DPF3: variants seen among roughly 807,000 people sequenced by gnomAD.
DPF3 encodes the protein zinc finger protein DPF3.
DPF3 carries 18 observed loss-of-function variants against 56.8 expected under a neutral mutation model. The ratio of observed to expected loss-of-function variants is 0.32; its 90% CI spans 0.22 to 0.47. The LOEUF (loss-of-function observed/expected upper bound fraction) is 0.47, where lower values mean the gene tolerates loss of function less well. DPF3 is among the 20% of genes least tolerant of loss of function. The probability of loss-of-function intolerance (pLI) is 1.00; values close to 1 mark genes in which losing one functional copy is unlikely to be tolerated. For synonymous variants in DPF3, 188 were observed against 180.2 expected, an observed-to-expected ratio of 1.04 and a Z score of -0.35; for missense variants, 403 against 488.8, an observed-to-expected ratio of 0.82 and a Z score of 1.65.
chr14:72,843,857 T>G (rs545372297), intron 1 of DPF3, among the ~76,000 whole-genome samples: 2 of 152,358 alleles, frequency 1.3e-5, no homozygotes, highest in Non-Finnish European at 2.9e-5. Flanking sequence ...CTGCTAAGAC[T>G]TACGCAGGTT....
In DPF3 at chr14:72,670,199, G is replaced by C. The variant is rs974281860; in HGVS notation, c.871+4041C>G. ...AAGGGGAGGGGAAACACACGATGAT[G>C]TCTCCTTCTATCTTCCAGAAGCACG... On this transcript the variant is annotated intron_variant, in intron 8 of 10. Coordinates refer to ENST00000556509, the MANE Select transcript of DPF3 (RefSeq NM_001280542.3). The C allele has an allele frequency of 2.7e-5, 27 of 986,022 alleles. No individual in the cohort carries two copies. The African/African-American group carries it at 4.5e-4, about 17-fold the overall frequency. 61.1% of individuals were successfully genotyped at this position (986,022 alleles called of 1,614,324 possible). A position where few individuals can be genotyped will look rare whatever the true frequency, so the allele number is the denominator to read the frequency against.
intron 1 of DPF3, among the ~76,000 whole-genome samples, chr14:72,820,792 C>T (rs750655778): frequency 6.6e-6 from 1 of 151,996 alleles, no homozygotes; most frequent in Non-Finnish European, 1.5e-5. Flanking sequence ...GTCAGGAGTT[C>T]GAGACCAGCC....
At chr14:72,814,086 T>TA (rs1055323643) in intron 1 of DPF3, among the ~76,000 whole-genome samples, 8 of 152,022 alleles carry the variant, frequency 5.3e-5, no homozygotes, top group African/African-American at 1.7e-4. Context: ...CCACTTTTTT[T>TA]AAAAACTCCA....
intron 8 of DPF3, among the ~76,000 whole-genome samples, chr14:72,649,256 A>G (rs1885822702): frequency 6.6e-6 from 1 of 152,166 alleles, no homozygotes; most frequent in South Asian, 2.1e-4. Flanking sequence ...TCCTCATCCC[A>G]AGGGGTGATG....
chr14:72,700,967 A>G (rs1055095930), intron 6 of DPF3, among the ~76,000 whole-genome samples: 2 of 152,236 alleles, frequency 1.3e-5, no homozygotes, highest in African/African-American at 4.8e-5. Flanking sequence ...TCTCCTCTGA[A>G]GTCTGGAGTG....
intron 8 of DPF3, among the ~76,000 whole-genome samples, chr14:72,634,727 T>A (rs892409487): frequency 6.7e-6 from 1 of 150,292 alleles, no homozygotes; most frequent in East Asian, 2.1e-4. Context: ...ACCAACCTAA[T>A]ACTTGCTTGG....
intron 1 of DPF3, among the ~76,000 whole-genome samples, chr14:72,845,808 A>G (rs1367920097): frequency 6.6e-6 from 1 of 152,202 alleles, no homozygotes; most frequent in Non-Finnish European, 1.5e-5. Context: ...TGAAACGAGA[A>G]GGGTTCTCTT....
intron 8 of DPF3, among the ~76,000 whole-genome samples, chr14:72,651,526 C>T (rs1399572644): frequency 6.6e-6 from 1 of 152,172 alleles, no homozygotes; most frequent in Non-Finnish European, 1.5e-5. Flanking sequence ...GTCAGGAAGA[C>T]AGGGGGATGG....
intron 6 of DPF3, among the ~76,000 whole-genome samples, chr14:72,709,105 C>G (rs1044215758): frequency 6.6e-6 from 1 of 152,260 alleles, no homozygotes; most frequent in African/African-American, 2.4e-5. Flanking sequence ...AGACCCTAGA[C>G]CCTATTCTGA....
intron 1 of DPF3, among the ~76,000 whole-genome samples, chr14:72,821,131 C>CT (rs1158509311): frequency 1.6e-5 from 2 of 123,174 alleles, no homozygotes; most frequent in Non-Finnish European, 3.7e-5. Context: ...GAAACTCTAT[C>CT]TCAAAAAAAA....
chr14:72,681,357 C>T (rs1271844226), intron 7 of DPF3, among the ~76,000 whole-genome samples: 1 of 152,108 alleles, frequency 6.6e-6, no homozygotes, highest in East Asian at 1.9e-4. Flanking sequence ...GCCACTGCAT[C>T]TACCTCCCCC....
intron 2 of DPF3, 108 bp from the exon 3 acceptor site, chr14:72,753,479 G>A (rs1272621762): frequency 2.2e-6 from 2 of 898,810 alleles, no homozygotes; most frequent in African/African-American, 3.4e-5. Context: ...GAAGCCCAGA[G>A]AGAAGTGACT....
intron 1 of DPF3, among the ~76,000 whole-genome samples, chr14:72,862,063 G>A (rs896359229): frequency 3.3e-5 from 5 of 152,170 alleles, no homozygotes; most frequent in Non-Finnish European, 7.3e-5. Context: ...TGTAATTAGA[G>A]CTAATAAACA....
intron 1 of DPF3, among the ~76,000 whole-genome samples, chr14:72,893,595 G>A (rs972877866): frequency 1.3e-5 from 2 of 151,974 alleles, no homozygotes; most frequent in East Asian, 3.9e-4. Context: ...CCCAGCGGCG[G>A]GGCGGGGGCC....
intron 1 of DPF3, among the ~76,000 whole-genome samples, chr14:72,808,699 T>G (rs1345497508): frequency 6.6e-6 from 1 of 152,176 alleles, no homozygotes; most frequent in East Asian, 1.9e-4. Context: ...AAAAACCAGC[T>G]TGTTGCTTCC....
intron 1 of DPF3, among the ~76,000 whole-genome samples, chr14:72,802,346 A>G (rs941478769): frequency 1.3e-5 from 2 of 152,090 alleles, no homozygotes; most frequent in Non-Finnish European, 2.9e-5. Context: ...GCCCATCGCT[A>G]AGTGTTTTGG....
chr14:72,740,471 T>C (rs962196793), intron 3 of DPF3, among the ~76,000 whole-genome samples: 1 of 152,128 alleles, frequency 6.6e-6, no homozygotes, highest in Admixed American at 6.5e-5. Flanking sequence ...CTCATGGTAC[T>C]AATATTGTGG....
intron 1 of DPF3, among the ~76,000 whole-genome samples, chr14:72,852,856 G>A (rs1251951170): frequency 6.6e-6 from 1 of 152,168 alleles, no homozygotes; most frequent in Non-Finnish European, 1.5e-5. Context: ...AACAGAGCCC[G>A]TGCCACATGC....
intron 3 of DPF3, among the ~76,000 whole-genome samples, chr14:72,736,291 T>C (rs934008390): frequency 5.3e-5 from 8 of 152,222 alleles, no homozygotes; most frequent in African/African-American, 1.4e-4. Flanking sequence ...GTATTTTCCA[T>C]TTAGAGCGTA....
Sources: allele counts gnomAD v4.1 joint callset (sites outside exome capture counted in the v4.1 genomes callset), GRCh38; gene constraint gnomAD v4.1.1; transcripts MANE v1.5; gene names NCBI Gene and HGNC (gene_info 2026-07-23, HGNC 2026-07-21).